SASH1: variants seen among roughly 807,000 people sequenced by gnomAD.
SASH1 encodes the protein SAM and SH3 domain containing 1, also known as SAM and SH3 domain-containing protein 1.
A neutral mutation model predicts 125.2 loss-of-function variants in SASH1; 44 were observed. The ratio of observed to expected loss-of-function variants is 0.35; its 90% CI spans 0.28 to 0.45. SASH1 has a LOEUF of 0.45. Ranked by LOEUF, SASH1 falls within the 20% of genes least tolerant of loss-of-function variation. The pLI, the probability that SASH1 is intolerant of heterozygous loss-of-function variation, is 1.00. For missense variants in SASH1, 1,426 were observed against 1,614.5 expected, an observed-to-expected ratio of 0.88 and a Z score of 2.00; for synonymous variants, 639 against 649.1, an observed-to-expected ratio of 0.98 and a Z score of 0.24.
chr6:148,536,625 C>T (rs890478581), intron 16 of SASH1, among the ~76,000 whole-genome samples: 2 of 152,326 alleles, frequency 1.3e-5, no homozygotes, highest in African/African-American at 4.8e-5. Context: ...CAGGTGTGAG[C>T]CACTGCATCC....
chr6:148,328,503 G>T (rs1780902614), intron 1 of SASH1, among the ~76,000 whole-genome samples: 1 of 151,868 alleles, frequency 6.6e-6, no homozygotes, highest in Non-Finnish European at 1.5e-5. Context: ...TGAGGCAGGA[G>T]AATTGCTTGA....
Position 148,534,742 on chromosome 6 carries a change from C to A in SASH1, c.1945-9C>A. 6.2e-7 allele frequency: 1 copy of A among 1,614,102 alleles called. No individual in the cohort carries two copies. The highest frequency in any genetic ancestry group is 1.7e-4 in the Middle Eastern group (1 of 6,050). ...TGACACCCTTCTGTCTTCCTTCTCC[C>A]TCTCACAGGAGCACATGCCCACTTT... is the stretch of plus-strand genomic sequence containing the variant. On this transcript the variant is annotated splice_polypyrimidine_tract_variant and intron_variant, in intron 15 of 19. Coordinates refer to ENST00000367467, the MANE Select transcript of SASH1 (RefSeq NM_015278.5).
upstream of SASH1, among the ~76,000 whole-genome samples, chr6:148,267,893 T>A (rs115164746): frequency 2.7e-3 from 417 of 152,304 alleles, 1 homozygote; most frequent in African/African-American, 9.5e-3. Context: ...TGAGAAACAA[T>A]GTGTTGAATC....
chr6:148,256,293 A>G, the SASH1 span, among the ~76,000 whole-genome samples: 1 of 152,246 alleles, frequency 6.6e-6, no homozygotes, highest in Non-Finnish European at 1.5e-5. Context: ...GATCAGTTTT[A>G]GAACACATTA....
At chr6:148,409,795 G>A (rs934994777) in intron 2 of SASH1, among the ~76,000 whole-genome samples, 8 of 152,020 alleles carry the variant, frequency 5.3e-5, no homozygotes, top group Admixed American at 3.9e-4. Context: ...TTAGCTGAGC[G>A]TGGTGGCACG....
intron 9 of SASH1, among the ~76,000 whole-genome samples, chr6:148,514,872 TAACA>T (rs1443205507): frequency 6.6e-6 from 1 of 152,226 alleles, no homozygotes; most frequent in Non-Finnish European, 1.5e-5. Context: ...AAGAAATGCC[TAACA>T]ATCAAGGCAC....
At chr6:148,311,824 T>C (rs1780339744) in intron 1 of SASH1, among the ~76,000 whole-genome samples, 1 of 152,000 alleles carries the variant, frequency 6.6e-6, no homozygotes, top group Non-Finnish European at 1.5e-5. Flanking sequence ...AACAAAAAAA[T>C]AAAATAAAAC....
At chr6:148,490,996 T>C (rs1475823052) in intron 8 of SASH1, among the ~76,000 whole-genome samples, 1 of 152,124 alleles carries the variant, frequency 6.6e-6, no homozygotes, top group Non-Finnish European at 1.5e-5. Flanking sequence ...AAAATCTGAG[T>C]TTTTCAAGGT....
chr6:148,500,543 C>T (rs1055047343), intron 8 of SASH1, among the ~76,000 whole-genome samples: 2 of 152,216 alleles, frequency 1.3e-5, no homozygotes, highest in African/African-American at 4.8e-5. Context: ...GTAGCCATTT[C>T]CACTGCTGTT....
chr6:148,487,851 T>C, intron 8 of SASH1, 136 bp downstream of exon 8: 1 of 561,838 alleles, frequency 1.8e-6, no homozygotes, highest in Non-Finnish European at 3.1e-6. Flanking sequence ...TTCATATAGA[T>C]TGCTTATTTT....
intron 11 of SASH1, 61 bp from the exon 12 acceptor site, chr6:148,527,392 A>G: frequency 6.2e-6 from 9 of 1,449,912 alleles, no homozygotes; most frequent in Non-Finnish European, 8.3e-6. Flanking sequence ...AATGGTTTAA[A>G]TAATAAAACC....
chr6:148,514,360 G>A lies in SASH1; in HGVS notation c.766G>A (p.Val256Met), dbSNP rs765513598. ...ATCGGATGATGAGACTGAGGAGTCGGTGAAGTTTAAGAGGTTACACAAGCT... is the reference window on the plus strand; with the variant it reads ...ATCGGATGATGAGACTGAGGAGTCGATGAAGTTTAAGAGGTTACACAAGCT... Reference protein sequence around the residue: ...EQSDDETEESVKFKRLHKLVN... With the variant: ...EQSDDETEESMKFKRLHKLVN... The change falls in exon 9 of 20, where the codon GTG (valine) becomes ATG (methionine). Residue 256 changes from valine to methionine, a missense_variant. This residue lies in a region of SASH1 where 567 missense variants were observed against 575.6 expected (regional missense o/e 0.99). Transcript: ENST00000367467. 3.7e-6 allele frequency: 6 copies of A among 1,603,642 alleles called. No homozygotes were observed. Among genetic ancestry groups the A allele is most frequent in the Non-Finnish European group, 5.1e-6 (6 of 1,174,252 alleles).
At chr6:148,504,366 G>A (rs528150957) in intron 8 of SASH1, among the ~76,000 whole-genome samples, 6 of 152,210 alleles carry the variant, frequency 3.9e-5, no homozygotes, top group South Asian at 2.1e-4. Flanking sequence ...GAATCTGACC[G>A]CACACAGTCA....
chr6:148,487,605 T>A lies in SASH1; in HGVS notation c.628-9T>A, dbSNP rs941538771. On this transcript the variant is annotated splice_polypyrimidine_tract_variant and intron_variant, in intron 7 of 19. Transcript: ENST00000367467. ...TTTCCATTTCAGTATCCATTTCTTC[T>A]TGTTACAGCTCAAGGAATACGAGGC... 6.2e-7 allele frequency: 1 copy of A among 1,607,502 alleles called. No homozygotes were observed. The highest frequency in any genetic ancestry group is 1.7e-5 in the Admixed American group (1 of 59,612).
At chr6:148,543,655 T>A (rs769966533) in intron 17 of SASH1, 25 bp from the exon 18 acceptor site, 2 of 1,512,202 alleles carry the variant, frequency 1.3e-6, no homozygotes, top group Admixed American at 2.3e-5. Flanking sequence ...AAAATGTGAT[T>A]GTAAAATATT....
the SASH1 span, among the ~76,000 whole-genome samples, chr6:148,235,138 C>T: frequency 3.3e-5 from 5 of 152,094 alleles, no homozygotes; most frequent in Admixed American, 6.5e-5. Context: ...TGCGTCATAA[C>T]GTGTCAATGG....
chr6:148,344,507 C>T (rs1354739025), intron 1 of SASH1, among the ~76,000 whole-genome samples: 1 of 151,992 alleles, frequency 6.6e-6, no homozygotes, highest in Non-Finnish European at 1.5e-5. Context: ...AACCAGCGAG[C>T]GTTGGTTAAA....
intron 2 of SASH1, among the ~76,000 whole-genome samples, chr6:148,419,311 G>C (rs1003968585): frequency 2.6e-5 from 4 of 152,062 alleles, no homozygotes; most frequent in African/African-American, 9.7e-5. Context: ...CACCCTTTTT[G>C]GATTCTCTTT....
intron 4 of SASH1, among the ~76,000 whole-genome samples, chr6:148,450,917 T>C (rs556048647): frequency 5.3e-5 from 8 of 152,200 alleles, no homozygotes; most frequent in Non-Finnish European, 1.2e-4. Context: ...CCTTTCTATC[T>C]GTAGTTTCCA....
Sources: gnomAD v4.1 joint callset for allele counts (sites outside exome capture counted in the v4.1 genomes callset) on GRCh38, gnomAD v4.1.1 for gene constraint, gnomAD v4.1.1 regional missense constraint, MANE v1.5 for transcripts, NCBI Gene and HGNC (gene_info 2026-07-23, HGNC 2026-07-21) for gene names.